Variants in DIAPH2 observed in about 807,000 individuals in gnomAD.
DIAPH2 encodes protein diaphanous homolog 2.
In DIAPH2, 35 loss-of-function variants were observed where a neutral mutation model predicts 92.7. The ratio of observed to expected loss-of-function variants is 0.38; its 90% CI spans 0.29 to 0.50. The LOEUF is 0.50. Among genes scored for constraint, DIAPH2 ranks in the 20% least tolerant of loss-of-function variants. The probability of loss-of-function intolerance (pLI) is 0.94; values close to 1 mark genes in which losing one functional copy is unlikely to be tolerated. For synonymous variants in DIAPH2, 301 were observed against 280.4 expected, an observed-to-expected ratio of 1.07 and a Z score of -0.73; for missense variants, 701 against 819.5, an observed-to-expected ratio of 0.86 and a Z score of 1.77.
At chrX:97,383,846 G>A in intron 24 of DIAPH2, 63 bp from the exon 25 acceptor site, 4 of 1,012,920 alleles carry the variant, frequency 3.9e-6, no homozygotes, top group Non-Finnish European at 5.3e-6. Flanking sequence ...ATTCAAAACT[G>A]TGCAATGTCT....
chrX:97,262,252 C>T (rs184200342), intron 23 of DIAPH2, among the ~76,000 whole-genome samples: 1 of 111,474 alleles, frequency 9.0e-6, no homozygotes, highest in East Asian at 2.8e-4. Context: ...ATGATAGAGA[C>T]ACTTGTTTTT....
chrX:97,213,000 G>A (rs2067853414), intron 22 of DIAPH2, among the ~76,000 whole-genome samples: 1 of 111,566 alleles, frequency 9.0e-6, no homozygotes, highest in South Asian at 3.7e-4. Context: ...ATGCTTTAAA[G>A]GAATGGATGA....
intron 1 of DIAPH2, among the ~76,000 whole-genome samples, chrX:96,685,720 T>G (rs1266444033): frequency 8.9e-6 from 1 of 112,044 alleles, no homozygotes; most frequent in African/African-American, 3.3e-5. Context: ...TACGTGCCTT[T>G]TTCCTCCTCC....
intron 26 of DIAPH2, among the ~76,000 whole-genome samples, chrX:97,506,036 G>A (rs2070829748): frequency 9.2e-6 from 1 of 108,383 alleles, no homozygotes; most frequent in Non-Finnish European, 1.9e-5. Context: ...TTTAACAGTG[G>A]CATTTGTATG....
Position 97,141,685 on chromosome X carries a change from G to A in DIAPH2, c.2610G>A (p.Ala870=), listed in dbSNP as rs752712599. 1.6e-4 allele frequency: 194 copies of A among 1,197,264 alleles called. No individual in the cohort carries two copies. The highest frequency in any genetic ancestry group is 2.0e-4 in the Non-Finnish European group (177 of 890,687). The change falls in exon 22 of 27, where the codon GCG becomes GCA. Residue 870 remains alanine (A), a synonymous_variant. Transcript: ENST00000324765. ...FLCKIRDTKS[A]DQKTTLLHFI... is the part of the protein sequence containing the mutation. ...CCCAGATCAGAGATACTAAATCAGC[G>A]GATCAAAAAACAACCCTTTTGCATT... is the stretch of plus-strand genomic sequence containing the variant.
At chrX:97,088,547 C>G (rs968030906) in intron 19 of DIAPH2, among the ~76,000 whole-genome samples, 2 of 111,569 alleles carry the variant, frequency 1.8e-5, no homozygotes, top group African/African-American at 3.3e-5. Context: ...GTGATATTTT[C>G]AATTAGATAT....
rs986969349 is a variant in DIAPH2, at chrX:96,939,351, T to G, written c.1294T>G (p.Phe432Val). The G allele has an allele frequency of 2.7e-6, 3 of 1,118,217 alleles. No homozygotes were observed. Among genetic ancestry groups the G allele is most frequent in the Non-Finnish European group, 3.7e-6 (3 of 817,576 alleles). 92.2% of individuals were successfully genotyped at this position (1,118,217 alleles called of 1,213,427 possible). Residue 432 changes from phenylalanine to valine, a missense_variant, in exon 12 of 27, where the codon TTT becomes GTT. Transcript: ENST00000324765. ...ENYFLSILQH[F>V]LLIRNDYYIR... The stretch of plus-strand genomic sequence containing the variant: ...TTACTTCTTATCTATTCTACAACAT[T>G]TTTTGCTTATCAGAAATGATTATTA...
At chrX:96,940,359 C>A (rs1045850789) in intron 12 of DIAPH2, among the ~76,000 whole-genome samples, 2 of 111,854 alleles carry the variant, frequency 1.8e-5, no homozygotes, top group East Asian at 5.6e-4. Context: ...ATCTAGTTAA[C>A]TGGGAATATA....
intron 17 of DIAPH2, among the ~76,000 whole-genome samples, chrX:97,024,273 T>G (rs1031282047): frequency 9.8e-5 from 11 of 112,517 alleles, no homozygotes; most frequent in African/African-American, 3.2e-4. Flanking sequence ...TTGCATTTAA[T>G]GTTATCAGTT....
At chrX:97,092,250 T>G (rs931471068) in intron 19 of DIAPH2, among the ~76,000 whole-genome samples, 4 of 112,797 alleles carry the variant, frequency 3.5e-5, no homozygotes, top group African/African-American at 1.3e-4. Context: ...GAAGATATTT[T>G]TAAAGAAGTC....
chrX:96,884,558 C>T (rs1264114955), intron 5 of DIAPH2: 1 of 1,208,204 alleles, frequency 8.3e-7, no homozygotes, highest in African/African-American at 1.8e-5. Flanking sequence ...ATCAGAGGGG[C>T]AGAGAAGGCT....
intron 1 of DIAPH2, among the ~76,000 whole-genome samples, chrX:96,697,632 G>A (rs1307256504): frequency 3.6e-5 from 4 of 111,226 alleles, no homozygotes; most frequent in Non-Finnish European, 7.5e-5. Context: ...GCAACAGAGC[G>A]AGACTCTGTC....
At chrX:96,957,310 C>T (rs1018633013) in intron 15 of DIAPH2, among the ~76,000 whole-genome samples, 14 of 112,282 alleles carry the variant, frequency 1.2e-4, no homozygotes, top group South Asian at 7.4e-4. Context: ...CGTGAGCCAC[C>T]GCACCTGGCT....
chrX:96,691,944 A>T (rs2147515250), intron 1 of DIAPH2, among the ~76,000 whole-genome samples: 1 of 112,241 alleles, frequency 8.9e-6, no homozygotes, highest in African/African-American at 3.2e-5. Context: ...AATCCTTTTT[A>T]AAAAATCTAT....
chrX:97,531,020 A>G (rs747126534), intron 26 of DIAPH2, among the ~76,000 whole-genome samples: 4 of 111,127 alleles, frequency 3.6e-5, no homozygotes, highest in Non-Finnish European at 5.7e-5. Context: ...GATGGTGATA[A>G]GGTCAGATTT....
intron 23 of DIAPH2, among the ~76,000 whole-genome samples, chrX:97,298,853 C>T (rs888157410): frequency 9.0e-6 from 1 of 110,510 alleles, no homozygotes; most frequent in Non-Finnish European, 1.9e-5. Flanking sequence ...CTACTGACCT[C>T]GTGATCCGCC....
intron 26 of DIAPH2, among the ~76,000 whole-genome samples, chrX:97,495,604 A>C (rs928652918): frequency 5.6e-4 from 63 of 111,957 alleles, no homozygotes; most frequent in Non-Finnish European, 7.5e-4. Flanking sequence ...ATGACAGTAA[A>C]AAATTCCCAA....
In DIAPH2 at chrX:97,335,100, AAGTT is replaced by A. The variant is rs752561923; in HGVS notation, c.2845-13011_2845-13008del. Among the ~76,000 whole-genome samples, 4 of 108,626 alleles carry A rather than the reference AAGTT, an allele frequency of 3.7e-5. No homozygotes were observed. In the East Asian group the frequency reaches 1.2e-3, roughly 32 times the overall value. The allele number at this position is 108,626 out of a possible 115,157, so 94.3% of individuals were successfully genotyped here. ...ACATACTATCTAGATGGCGATGAAAAAGTTAGTTGGTCTCCCTGAGGCTAATTTC... is the reference window on the plus strand; with the variant it reads ...ACATACTATCTAGATGGCGATGAAAAAGTTGGTCTCCCTGAGGCTAATTTC... On this transcript the variant is annotated intron_variant, in intron 23 of 26. Coordinates refer to ENST00000324765, the MANE Select transcript of DIAPH2 (RefSeq NM_006729.5).
chrX:97,515,482 A>G (rs2070938693), intron 26 of DIAPH2, among the ~76,000 whole-genome samples: 2 of 112,023 alleles, frequency 1.8e-5, no homozygotes, highest in African/African-American at 6.5e-5. Flanking sequence ...TGCGTCGCTC[A>G]CGCTGGGAGC....
Sources: allele counts gnomAD v4.1 joint callset (sites outside exome capture counted in the v4.1 genomes callset), GRCh38; gene constraint gnomAD v4.1.1; transcripts MANE v1.5; gene names NCBI Gene and HGNC (gene_info 2026-07-23, HGNC 2026-07-21).